The following DDC variants were observed in gnomAD, a reference collection of about 807,000 sequenced individuals.
DDC encodes dopa decarboxylase.
In DDC, 43 loss-of-function variants were observed where a neutral mutation model predicts 60.0. The ratio of observed to expected loss-of-function variants is 0.72; its 90% CI spans 0.56 to 0.92. DDC has a LOEUF of 0.92. Ranked by LOEUF, DDC falls within the 40% of genes least tolerant of loss-of-function variation. The pLI, the probability that DDC is intolerant of heterozygous loss-of-function variation, is 0.00. For missense variants in DDC, 573 were observed against 620.2 expected, an observed-to-expected ratio of 0.92 and a Z score of 0.81; for synonymous variants, 232 against 234.6, an observed-to-expected ratio of 0.99 and a Z score of 0.10.
chr7:50,558,717 C>T lies in DDC; in HGVS notation c.-29+6568G>A, dbSNP rs534470705. On this transcript the variant is annotated intron_variant, in intron 1 of 14. Transcript: ENST00000444124. ...CTGAAGCCAGCATTTTCCTAACACA[C>T]CTTTGGCCTGGGAATCCACTTACAC... Among the ~76,000 whole-genome samples the T allele has an allele frequency of 9.9e-5, 13 of 131,164 alleles. No homozygotes were observed. In the South Asian group the frequency reaches 1.3e-3, roughly 13 times the overall value. 86.0% of individuals were successfully genotyped at this position (131,164 alleles called of 152,430 possible).
intron 7 of DDC, among the ~76,000 whole-genome samples, chr7:50,503,631 T>C (rs997890945): frequency 2.0e-5 from 3 of 152,324 alleles, no homozygotes; most frequent in East Asian, 3.9e-4. Flanking sequence ...TGTGGACAAT[T>C]CTCATATCAG....
chr7:50,512,220 G>A (rs905483283), intron 6 of DDC, among the ~76,000 whole-genome samples: 2 of 152,072 alleles, frequency 1.3e-5, no homozygotes, highest in Non-Finnish European at 2.9e-5. Flanking sequence ...TAACACCAAT[G>A]AAAATAAAGC....
At chr7:50,508,676 C>G (rs867293324) in intron 6 of DDC, among the ~76,000 whole-genome samples, 2 of 152,182 alleles carry the variant, frequency 1.3e-5, no homozygotes, top group Non-Finnish European at 2.9e-5. Context: ...GGATCTACAG[C>G]CCCTTTGAGA....
At position 50,479,786 on chromosome 7, in the gene DDC, C is replaced by T. The variant is rs1205432353; in HGVS notation, c.1021+1G>A. 1.2e-6 allele frequency: 2 copies of T among 1,613,384 alleles called. No homozygotes were observed. Among genetic ancestry groups the T allele is most frequent in the East Asian group, 4.5e-5 (2 of 44,886 alleles). On this transcript the variant is annotated splice_donor_variant, in intron 10 of 14. Coordinates refer to ENST00000444124, the MANE Select transcript of DDC (RefSeq NM_001082971.2). LOFTEE classifies it high-confidence loss of function. ...CCACAGAAAGCAGGCTCACAGCTTACCTGAATCCTGATGGCTGTGCTTCAG... is the reference window on the plus strand; with the variant it reads ...CCACAGAAAGCAGGCTCACAGCTTATCTGAATCCTGATGGCTGTGCTTCAG...
At chr7:50,472,214 C>A (rs901222927) in intron 11 of DDC, among the ~76,000 whole-genome samples, 1 of 152,162 alleles carries the variant, frequency 6.6e-6, no homozygotes, top group Non-Finnish European at 1.5e-5. Flanking sequence ...GTCTCATTTG[C>A]CTTTTTAGTC....
At chr7:50,509,612 A>C (rs1319577190) in intron 6 of DDC, among the ~76,000 whole-genome samples, 1 of 152,218 alleles carries the variant, frequency 6.6e-6, no homozygotes, top group Admixed American at 6.6e-5. Flanking sequence ...ACACTCTAGT[A>C]AATAAACTCC....
At chr7:50,483,234 A>G (rs2042808355) in intron 9 of DDC, among the ~76,000 whole-genome samples, 1 of 152,178 alleles carries the variant, frequency 6.6e-6, no homozygotes, top group Non-Finnish European at 1.5e-5. Context: ...ACTTTTATCT[A>G]ATGCTTTTTC....
intron 4 of DDC, among the ~76,000 whole-genome samples, chr7:50,533,708 T>A (rs2044294159): frequency 1.3e-5 from 2 of 152,190 alleles, no homozygotes. Flanking sequence ...GTACCCAATC[T>A]GTGGAAAATT....
At chr7:50,517,172 C>G (rs1416767786) in intron 6 of DDC, among the ~76,000 whole-genome samples, 1 of 152,092 alleles carries the variant, frequency 6.6e-6, no homozygotes, top group African/African-American at 2.4e-5. Flanking sequence ...AAATCCTTAA[C>G]AAAATAATAG....
At chr7:50,512,694 G>A (rs2043613543) in intron 6 of DDC, among the ~76,000 whole-genome samples, 1 of 152,222 alleles carries the variant, frequency 6.6e-6, no homozygotes, top group Non-Finnish European at 1.5e-5. Context: ...GGTGCAAAGA[G>A]GTGGTGGCCA....
chr7:50,529,310 C>T lies in DDC; in HGVS notation c.468G>A (p.Leu156=), dbSNP rs751233669. The change falls in exon 5 of 15, where the codon CTG becomes CTA. Residue 156 remains leucine (L), a synonymous_variant. Transcript: ENST00000444124. The part of the protein sequence containing the change: ...GSASEATLVA[L]LAARTKVIHR... ...GGATCACTTTGGTCCGAGCGGCCAG[C>T]AGGGCCACCAGGGTGGCTTCACTGG... The T allele has an allele frequency of 6.2e-7, 1 of 1,614,236 alleles. No homozygotes were observed. Among genetic ancestry groups the T allele is most frequent in the Admixed American group, 1.7e-5 (1 of 60,034 alleles).
chr7:50,545,272 G>A (rs530001166), intron 1 of DDC, among the ~76,000 whole-genome samples: 5 of 152,288 alleles, frequency 3.3e-5, no homozygotes, highest in South Asian at 4.1e-4. Context: ...AAAGCACCAT[G>A]AGTATTGATA....
intron 1 of DDC, among the ~76,000 whole-genome samples, chr7:50,550,217 G>A (rs1310883078): frequency 6.6e-6 from 1 of 152,216 alleles, no homozygotes; most frequent in African/African-American, 2.4e-5. Context: ...AGCAGCCATC[G>A]ACATGGAGGC....
chr7:50,524,516 A>G (rs2043986357), intron 6 of DDC, among the ~76,000 whole-genome samples: 1 of 152,244 alleles, frequency 6.6e-6, no homozygotes, highest in Non-Finnish European at 1.5e-5. Flanking sequence ...GGCAAAAGAC[A>G]TAAAGACACA....
rs113834737 is a variant in DDC at position 50,491,657 on chromosome 7, A to G, written c.944+3693T>C. 7.0e-4 allele frequency among the ~76,000 whole-genome samples: 107 copies of G among 152,370 alleles called. 1 individual carries two copies. The highest frequency in any genetic ancestry group is 2.5e-3 in the African/African-American group (105 of 41,584). ...TGTTCCTAAGCAGAAAGCTACAGATAAAAGGTTAAATATCTCTACAGGTAG... is the reference window on the plus strand; with the variant it reads ...TGTTCCTAAGCAGAAAGCTACAGATGAAAGGTTAAATATCTCTACAGGTAG... On this transcript the variant is annotated intron_variant, in intron 9 of 14. Transcript: ENST00000444124.
Position 50,470,269 on chromosome 7 carries a change from G to A in DDC, c.1042-98C>T, listed in dbSNP as rs138613956. 2,309 of 918,786 alleles carry A rather than the reference G, an allele frequency of 2.5e-3. 5 individuals carry two copies. Among genetic ancestry groups the A allele is most frequent in the Non-Finnish European group, 3.3e-3 (1,845 of 559,322 alleles). 56.9% of individuals were successfully genotyped at this position (918,786 alleles called of 1,614,324 possible). On this transcript the variant is annotated intron_variant, in intron 11 of 14. Coordinates refer to ENST00000444124, the MANE Select transcript of DDC (RefSeq NM_001082971.2). Reference sequence around the variant, plus strand: ...TCGCCTATTTCTCTTGGAGGCAGCCGATTCCCTGGTGGCCAACCTGCTCCC... The same window carrying A: ...TCGCCTATTTCTCTTGGAGGCAGCCAATTCCCTGGTGGCCAACCTGCTCCC...
rs142480643 is a variant in DDC at position 50,556,357 on chromosome 7, T to A, written c.-29+8928A>T. On this transcript the variant is annotated intron_variant, in intron 1 of 14. Transcript: ENST00000444124. Reference sequence around the variant, plus strand: ...CTATGTCCTCACATGGTGAAAGGGGTGATGGGTCTCTCTAGGGTCTCTTTT... The same window carrying A: ...CTATGTCCTCACATGGTGAAAGGGGAGATGGGTCTCTCTAGGGTCTCTTTT... 2.7e-3 allele frequency among the ~76,000 whole-genome samples: 414 copies of A among 152,170 alleles called. 3 individuals are homozygous for A. Among genetic ancestry groups the A allele is most frequent in the African/African-American group, 9.3e-3 (387 of 41,518 alleles).
At chr7:50,532,708 A>G (rs2044256995) in intron 4 of DDC, among the ~76,000 whole-genome samples, 1 of 152,258 alleles carries the variant, frequency 6.6e-6, no homozygotes, top group African/African-American at 2.4e-5. Context: ...AGTAGCTCTT[A>G]TTATAATAGA....
chr7:50,545,134 T>C (rs898822512), intron 1 of DDC, among the ~76,000 whole-genome samples: 1 of 152,182 alleles, frequency 6.6e-6, no homozygotes, highest in African/African-American at 2.4e-5. Flanking sequence ...GAGAAGGACA[T>C]GTTTACATTA....
Sources: gnomAD v4.1 joint callset for allele counts (sites outside exome capture counted in the v4.1 genomes callset) on GRCh38, gnomAD v4.1.1 for gene constraint, MANE v1.5 for transcripts, NCBI Gene and HGNC (gene_info 2026-07-23, HGNC 2026-07-21) for gene names.